The following NRXN3 variants were observed in gnomAD, a reference collection of about 807,000 sequenced individuals.
NRXN3 encodes the protein neurexin III.
NRXN3 carries 32 observed loss-of-function variants against 137.6 expected under a neutral mutation model. The observed-to-expected ratio is 0.23, with a 90% CI of 0.18 to 0.31. NRXN3 has a LOEUF of 0.31. NRXN3 is among the 10% of genes least tolerant of loss of function. The pLI, the probability that NRXN3 is intolerant of heterozygous loss-of-function variation, is 1.00. For synonymous variants in NRXN3, 798 were observed against 784.5 expected (o/e 1.02, Z -0.29); for missense variants, 1,574 against 2,062.5 (o/e 0.76, Z 4.59).
rs1238189364 is a variant in NRXN3 at position 79,624,801 on chromosome 14, TTGTTTGTTTTTG to T, written c.3445-38975_3445-38964del. 2.8e-4 allele frequency among the ~76,000 whole-genome samples: 36 copies of T among 130,414 alleles called. 1 individual carries two copies. Among genetic ancestry groups the T allele is most frequent in the African/African-American group, 1.1e-3 (35 of 31,060 alleles). The allele number at this position is 130,414 out of a possible 152,430, so 85.6% of individuals were successfully genotyped here. On this transcript the variant is annotated intron_variant, in intron 16 of 20. Coordinates refer to ENST00000335750, the MANE Select transcript of NRXN3 (RefSeq NM_001330195.2). ...CTCTCTTTCTTTCCCGTTTTTTTTTTTGTTTGTTTTTGTTTTTTTTTAAACAAGATCTCACAC... is the reference window on the plus strand; with the variant it reads ...CTCTCTTTCTTTCCCGTTTTTTTTTTTTTTTTTTTAAACAAGATCTCACAC...
In NRXN3 at chr14:79,466,964, T is replaced by C. The variant is rs183634323; in HGVS notation, c.3263-257T>C. 6.7e-4 allele frequency among the ~76,000 whole-genome samples: 102 copies of C among 152,302 alleles called. No individual in the cohort carries two copies. In the Middle Eastern group the frequency reaches 0.017, roughly 25 times the overall value. ...GGATGTTATTTACCCTCCACCGTTATGCAGCGGGAACTTAAGATGTTAAGA... is the reference window on the plus strand; with the variant it reads ...GGATGTTATTTACCCTCCACCGTTACGCAGCGGGAACTTAAGATGTTAAGA... On this transcript the variant is annotated intron_variant, in intron 15 of 20. Transcript: ENST00000335750.
intron 15 of NRXN3, among the ~76,000 whole-genome samples, chr14:79,319,562 G>A (rs1317728600): frequency 6.6e-6 from 1 of 152,210 alleles, no homozygotes; most frequent in East Asian, 1.9e-4. Context: ...TATTCGGAGT[G>A]ATGAGATGAA....
At chr14:79,262,524 G>A (rs543542865) in intron 15 of NRXN3, among the ~76,000 whole-genome samples, 3 of 150,158 alleles carry the variant, frequency 2.0e-5, no homozygotes, top group South Asian at 4.2e-4. Flanking sequence ...GGAGGAAAGA[G>A]GATGAGGAAA....
At chr14:79,053,788 G>A (rs1035697574) in intron 15 of NRXN3, among the ~76,000 whole-genome samples, 2 of 152,050 alleles carry the variant, frequency 1.3e-5, no homozygotes, top group Non-Finnish European at 2.9e-5. Context: ...AAGGCCAGCA[G>A]GATAATGGTT....
At chr14:78,520,500 T>C (rs1428249871) in intron 4 of NRXN3, among the ~76,000 whole-genome samples, 2 of 152,094 alleles carry the variant, frequency 1.3e-5, no homozygotes. Flanking sequence ...ACTCAAACAA[T>C]GGGCATGTCT....
At chr14:79,005,444 G>A (rs1325963395) in intron 15 of NRXN3, among the ~76,000 whole-genome samples, 1 of 152,036 alleles carries the variant, frequency 6.6e-6, no homozygotes. Context: ...CATTTTCTAC[G>A]TTGGTAGTTA....
In NRXN3 at chr14:78,290,131, A is replaced by G. The variant is rs201519035; in HGVS notation, c.728-7700A>G. 7.0e-3 allele frequency among the ~76,000 whole-genome samples: 1,071 copies of G among 152,284 alleles called. 17 individuals carry two copies. The highest frequency in any genetic ancestry group is 0.023 in the African/African-American group (944 of 41,560). ...GCAACATACACTGAACCAAAACCCT[A>G]TATCTGGTATAGACAATGCTGAGAA... On this transcript the variant is annotated intron_variant, in intron 3 of 20. Transcript: ENST00000335750.
chr14:79,137,907 A>C (rs749110882), intron 15 of NRXN3, among the ~76,000 whole-genome samples: 15 of 152,296 alleles, frequency 9.8e-5, no homozygotes, highest in Non-Finnish European at 1.9e-4. Flanking sequence ...TCCATTAGGA[A>C]GCTGGCTTTG....
At chr14:79,520,004 T>G (rs2097047045) in intron 16 of NRXN3, among the ~76,000 whole-genome samples, 1 of 152,038 alleles carries the variant, frequency 6.6e-6, no homozygotes, top group African/African-American at 2.4e-5. Context: ...CTTATTTCTG[T>G]TTTTTGGCTG....
chr14:78,296,057 TGTC>T (rs975454665), intron 3 of NRXN3, among the ~76,000 whole-genome samples: 2 of 150,046 alleles, frequency 1.3e-5, no homozygotes, highest in African/African-American at 2.5e-5. Flanking sequence ...TCTCTCTCTC[TGTC>T]TTTTTTTTTT....
At chr14:78,626,172 T>C (rs1166799823) in intron 4 of NRXN3, among the ~76,000 whole-genome samples, 5 of 152,210 alleles carry the variant, frequency 3.3e-5, no homozygotes, top group Admixed American at 1.3e-4. Context: ...GGAAAGGTAC[T>C]CCAGCAACAC....
chr14:78,579,501 G>A, intron 4 of NRXN3, among the ~76,000 whole-genome samples: 1 of 151,080 alleles, frequency 6.6e-6, no homozygotes. Context: ...GTAGTCTCAA[G>A]GTGTGATTAA....
intron 4 of NRXN3, among the ~76,000 whole-genome samples, chr14:78,575,642 T>C (rs1282393710): frequency 6.6e-6 from 1 of 152,206 alleles, no homozygotes; most frequent in Non-Finnish European, 1.5e-5. Flanking sequence ...TATATTCTAA[T>C]GGCGAGTCAT....
intron 4 of NRXN3, among the ~76,000 whole-genome samples, chr14:78,540,772 T>C (rs2096582219): frequency 6.6e-6 from 1 of 152,204 alleles, no homozygotes; most frequent in South Asian, 2.1e-4. Context: ...TCTCTTTCCA[T>C]GTTTAGTGCT....
At chr14:79,858,981 AAAAAG>A (rs759703481) in intron 20 of NRXN3, among the ~76,000 whole-genome samples, 51,114 of 114,216 alleles carry the variant, frequency 0.45, 9,261 homozygotes, top group East Asian at 0.57. Context: ...ACAATGTAAA[AAAAAG>A]AAAAAAAAAA....
intron 8 of NRXN3, among the ~76,000 whole-genome samples, chr14:78,761,177 G>T (rs956031572): frequency 1.3e-5 from 2 of 152,098 alleles, no homozygotes; most frequent in African/African-American, 4.8e-5. Flanking sequence ...CCCCGCAATC[G>T]CTCTTTTCCA....
chr14:79,628,725 C>T (rs968414870), intron 16 of NRXN3, among the ~76,000 whole-genome samples: 6 of 152,132 alleles, frequency 3.9e-5, no homozygotes, highest in African/African-American at 1.4e-4. Flanking sequence ...GAATATTAAC[C>T]TGAAAAAGGA....
In NRXN3 at chr14:79,722,537, C is replaced by G. The variant is rs540308037; in HGVS notation, c.4014+24600C>G. ...ACATGCTGGTTCCTCTGCTGAGAAC[C>G]CACTTTCCACTCCAATTTGCCATTT... On this transcript the variant is annotated intron_variant, in intron 19 of 20. Transcript: ENST00000335750. 2.6e-5 allele frequency among the ~76,000 whole-genome samples: 4 copies of G among 152,200 alleles called. 1 individual carries two copies. In the South Asian group the frequency reaches 8.3e-4, roughly 32 times the overall value.
chr14:79,242,600 C>T (rs2074483726), intron 15 of NRXN3, among the ~76,000 whole-genome samples: 1 of 152,136 alleles, frequency 6.6e-6, no homozygotes, highest in African/African-American at 2.4e-5. Flanking sequence ...ATCATGCCCT[C>T]TCCAGAGGTA....
Sources: allele counts gnomAD v4.1 joint callset (sites outside exome capture counted in the v4.1 genomes callset), GRCh38; gene constraint gnomAD v4.1.1; transcripts MANE v1.5; gene names NCBI Gene and HGNC (gene_info 2026-07-23, HGNC 2026-07-21).